ADGRB1: variants seen among roughly 807,000 people sequenced by gnomAD.
ADGRB1 encodes the protein adhesion G protein-coupled receptor B1.
In ADGRB1, 36 loss-of-function variants were observed where a neutral mutation model predicts 175.7. That is an observed-to-expected ratio of 0.20 (90% CI 0.16 to 0.27). The LOEUF is 0.27. Ranked by LOEUF, ADGRB1 falls within the 10% of genes least tolerant of loss-of-function variation. ADGRB1 has a pLI of 1.00. For missense variants in ADGRB1, 1,731 were observed against 2,255.3 expected (o/e 0.77, Z 4.71); for synonymous variants, 1,054 against 979.4 (o/e 1.08, Z -1.42).
intron 11 of ADGRB1, 111 bp from the exon 12 acceptor site, chr8:142,483,866 C>T (rs1841521116): frequency 3.5e-6 from 4 of 1,141,086 alleles, no homozygotes; most frequent in Admixed American, 1.9e-5. Flanking sequence ...TGATCCTGGT[C>T]ACATATTCAG....
intron 18 of ADGRB1, among the ~76,000 whole-genome samples, chr8:142,512,944 A>G (rs542828128): frequency 1.0e-3 from 149 of 146,692 alleles, no homozygotes; most frequent in Non-Finnish European, 1.9e-3. Context: ...AGGGGGAGGA[A>G]GCGGCTGCTC....
At chr8:142,456,102 GGGA>G (rs1399028148) in intron 1 of ADGRB1, among the ~76,000 whole-genome samples, 1 of 152,104 alleles carries the variant, frequency 6.6e-6, no homozygotes, top group Non-Finnish European at 1.5e-5. Flanking sequence ...ATGCGATTCA[GGGA>G]GGAGGAGAAG....
rs1489588311 is a variant in ADGRB1, at chr8:142,511,165, C to G, written c.2817+92C>G. ...CCTGCGGGTGGGGAGGGCCCGCACCCGTCCTGTCCCGGAGGGGTCGCTGTG... is the reference window on the plus strand; with the variant it reads ...CCTGCGGGTGGGGAGGGCCCGCACCGGTCCTGTCCCGGAGGGGTCGCTGTG... On this transcript the variant is annotated intron_variant, in intron 18 of 30. Transcript: ENST00000517894. The surrounding 1 kb of genome is among the most constrained non-coding windows in gnomAD (Gnocchi z 4.5). 3.1e-6 allele frequency: 3 copies of G among 962,878 alleles called. No homozygotes were observed. Among genetic ancestry groups the G allele is most frequent in the Middle Eastern group, 5.0e-4 (1 of 2,010 alleles). 59.6% of individuals were successfully genotyped at this position (962,878 alleles called of 1,614,324 possible).
chr8:142,531,599 C>T (rs550958560), intron 24 of ADGRB1, among the ~76,000 whole-genome samples: 3 of 152,274 alleles, frequency 2.0e-5, no homozygotes, highest in East Asian at 1.9e-4. Context: ...GCAGGAGGGG[C>T]GGGTGCGTGG....
intron 17 of ADGRB1, among the ~76,000 whole-genome samples, chr8:142,500,497 G>A (rs1175743858): frequency 1.3e-5 from 2 of 151,052 alleles, no homozygotes; most frequent in Admixed American, 6.6e-5. Flanking sequence ...GTGGAGGGGC[G>A]GCTGCAGGGG....
At chr8:142,544,162 C>T (rs1845454755) in intron 30 of ADGRB1, 58 bp from the exon 31 acceptor site, 16 of 1,525,066 alleles carry the variant, frequency 1.0e-5, no homozygotes, top group South Asian at 4.9e-5. Context: ...CCCTACTCCT[C>T]GGGCTCATGG....
At chr8:142,489,459 C>T (rs1192340394) in intron 16 of ADGRB1, 21 bp downstream of exon 16, 3 of 1,606,412 alleles carry the variant, frequency 1.9e-6, no homozygotes, top group Non-Finnish European at 2.6e-6. Context: ...TCCACGTGCA[C>T]ACTCTGATGC....
rs1456864296 is a variant in ADGRB1 at position 142,543,738 on chromosome 8, G to A, written c.4557+30G>A. The stretch of plus-strand genomic sequence containing the variant: ...GGAGGGCAGGGAGGGGCGGGGTGGG[G>A]AGAGCCCTTAGGTCAGGCCACCGTC... On this transcript the variant is annotated intron_variant, in intron 30 of 30. Coordinates refer to ENST00000517894, the MANE Select transcript of ADGRB1 (RefSeq NM_001702.3). This position sits in a 1 kb window ranked among gnomAD's most constrained non-coding sequence, Gnocchi z 4.4. The A allele has an allele frequency of 6.9e-7, 1 of 1,443,922 alleles. No homozygotes were observed. Among genetic ancestry groups the A allele is most frequent in the South Asian group, 1.2e-5 (1 of 81,964 alleles). The allele number at this position is 1,443,922 out of a possible 1,614,324, so 89.4% of individuals were successfully genotyped here.
chr8:142,477,666 C>A, intron 6 of ADGRB1, 117 bp downstream of exon 6: 1 of 1,350,854 alleles, frequency 7.4e-7, no homozygotes, highest in Non-Finnish European at 9.9e-7. Flanking sequence ...CCTCAGGGTG[C>A]TCAGAGGTTG....
intron 27 of ADGRB1, 57 bp from the exon 28 acceptor site, chr8:142,541,884 C>T: frequency 4.1e-6 from 6 of 1,478,612 alleles, no homozygotes; most frequent in Non-Finnish European, 5.4e-6. Flanking sequence ...TGGGGACTGT[C>T]CTACGCCATC....
intron 2 of ADGRB1, 144 bp downstream of exon 2, chr8:142,465,126 AC>A: frequency 1.0e-6 from 1 of 987,654 alleles, no homozygotes; most frequent in Non-Finnish European, 1.4e-6. Flanking sequence ...GGGGAGGTGG[AC>A]CGGGGTCTTC....
At chr8:142,519,387 G>C (rs1187065426) in intron 19 of ADGRB1, among the ~76,000 whole-genome samples, 1 of 152,202 alleles carries the variant, frequency 6.6e-6, no homozygotes, top group African/African-American at 2.4e-5. Flanking sequence ...CAGCACATCA[G>C]GGTCATGTCA....
At chr8:142,472,966 C>T (rs1011637532) in intron 2 of ADGRB1, among the ~76,000 whole-genome samples, 26 of 152,268 alleles carry the variant, frequency 1.7e-4, no homozygotes, top group African/African-American at 6.0e-4. Flanking sequence ...GATCCATCCT[C>T]TGGGCCAGTG....
At chr8:142,500,224 GCCGCTCCT>G in intron 17 of ADGRB1, among the ~76,000 whole-genome samples, 1 of 84,528 alleles carries the variant, frequency 1.2e-5, no homozygotes, top group Non-Finnish European at 2.6e-5. Flanking sequence ...TTCCCCCCGC[GCCGCTCCT>G]CCACCTCCCC....
At chr8:142,475,716 G>A in intron 3 of ADGRB1, 81 bp downstream of exon 3, 1 of 766,596 alleles carries the variant, frequency 1.3e-6, no homozygotes, top group South Asian at 6.4e-5. Flanking sequence ...TGGGGCCCTG[G>A]AGAGGAGGGG....
chr8:142,451,181 C>A (rs1035724543), intron 1 of ADGRB1, among the ~76,000 whole-genome samples: 2 of 152,106 alleles, frequency 1.3e-5, no homozygotes, highest in Non-Finnish European at 2.9e-5. Flanking sequence ...AGAATCACCG[C>A]GAAGCGATGC....
chr8:142,506,615 G>T (rs1842865251), intron 17 of ADGRB1, among the ~76,000 whole-genome samples: 1 of 152,246 alleles, frequency 6.6e-6, no homozygotes, highest in Admixed American at 6.5e-5. Flanking sequence ...TTGCCTGTTT[G>T]CAGAGATGGG....
intron 1 of ADGRB1, among the ~76,000 whole-genome samples, chr8:142,456,284 G>C (rs1839676234): frequency 6.6e-6 from 1 of 152,132 alleles, no homozygotes; most frequent in African/African-American, 2.4e-5. Context: ...AAAGACGTGT[G>C]CAGACCCAAT....
intron 17 of ADGRB1, among the ~76,000 whole-genome samples, chr8:142,505,732 T>C (rs868080142): frequency 2.9e-4 from 44 of 152,246 alleles, no homozygotes; most frequent in Middle Eastern, 3.4e-3. Context: ...CTGAGGGCCA[T>C]GCGGCCTGAC....
Sources: allele counts gnomAD v4.1 joint callset (sites outside exome capture counted in the v4.1 genomes callset), GRCh38; gene constraint gnomAD v4.1.1; non-coding constraint Gnocchi (gnomAD v3.1); transcripts MANE v1.5; gene names NCBI Gene and HGNC (gene_info 2026-07-23, HGNC 2026-07-21).